The following CSK variants were observed in gnomAD, a reference collection of about 807,000 sequenced individuals.
CSK encodes tyrosine-protein kinase CSK.
A neutral mutation model predicts 62.3 loss-of-function variants in CSK; 7 were observed. That is an observed-to-expected ratio of 0.11 (90% CI 0.06 to 0.21). The LOEUF is 0.21. CSK is among the 10% of genes least tolerant of loss of function. The probability of loss-of-function intolerance (pLI) is 1.00; values close to 1 mark genes in which losing one functional copy is unlikely to be tolerated. For synonymous variants in CSK, 237 were observed against 246.0 expected (o/e 0.96, Z 0.34); for missense variants, 294 against 613.5 (o/e 0.48, Z 5.50).
chr15:74,784,147 T>G (rs573181662), intron 1 of CSK, among the ~76,000 whole-genome samples: 1 of 152,260 alleles, frequency 6.6e-6, no homozygotes, highest in Non-Finnish European at 1.5e-5. Context: ...GAGCAGTGTC[T>G]GGGCTCCCTT....
At chr15:74,792,041 A>G (rs2063629244) in intron 1 of CSK, among the ~76,000 whole-genome samples, 1 of 152,128 alleles carries the variant, frequency 6.6e-6, no homozygotes, top group Non-Finnish European at 1.5e-5. Context: ...GCCATTTTCC[A>G]TACTCTATCA....
Position 74,802,663 on chromosome 15 carries a change from C to T in CSK, c.*150C>T. Reference sequence around the variant, plus strand: ...GCGTCCCAGCCTGCACCCCTCCGGCCCCGTCTCTCTTGGACCCACCTGTGG... The same window carrying T: ...GCGTCCCAGCCTGCACCCCTCCGGCTCCGTCTCTCTTGGACCCACCTGTGG... On this transcript the variant is annotated 3_prime_UTR_variant, in exon 13 of 13. Transcript: ENST00000220003. 1.0e-6 allele frequency: 1 copy of T among 984,304 alleles called. No individual in the cohort carries two copies. Among genetic ancestry groups the T allele is most frequent in the South Asian group, 1.7e-5 (1 of 58,330 alleles). 61.0% of individuals were successfully genotyped at this position (984,304 alleles called of 1,614,324 possible).
chr15:74,792,304 C>G (rs1357195839), intron 1 of CSK, among the ~76,000 whole-genome samples: 1 of 151,958 alleles, frequency 6.6e-6, no homozygotes, highest in Non-Finnish European at 1.5e-5. Context: ...GGAAGTCCCT[C>G]GGTAAAGGAG....
Position 74,799,550 on chromosome 15 carries a change from G to A in CSK, c.462+59G>A, listed in dbSNP as rs543821598. On this transcript the variant is annotated intron_variant, in intron 5 of 12. Transcript: ENST00000220003. ...CTCACACACCCTAAACCCATCTGGG[G>A]CCCTGGCTTCTAGCTCCAGCCCCAC... 58 of 1,528,158 alleles carry A rather than the reference G, an allele frequency of 3.8e-5. No homozygotes were observed. The South Asian group carries it at 6.6e-4, about 17-fold the overall frequency. The allele number at this position is 1,528,158 out of a possible 1,614,324, so 94.7% of individuals were successfully genotyped here.
rs1596365450 is a variant in CSK, at chr15:74,782,807, C to T, written c.-66+87C>T. 1 of 152,546 alleles carries T rather than the reference C, an allele frequency of 6.6e-6. No individual in the cohort carries two copies. The highest frequency in any genetic ancestry group is 1.5e-5 in the Non-Finnish European group (1 of 68,278). 9.4% of individuals were successfully genotyped at this position (152,546 alleles called of 1,614,324 possible). On this transcript the variant is annotated intron_variant, in intron 1 of 12. Coordinates refer to ENST00000220003, the MANE Select transcript of CSK (RefSeq NM_004383.3). This position sits in a 1 kb window ranked among gnomAD's most constrained non-coding sequence, Gnocchi z 5.7. ...GTCTCTGTTGCTGCCACTGTCGCGT[C>T]CACTCCCATTCCCCTCTTCTCCCAC...
chr15:74,791,878 C>CA (rs1307190900), intron 1 of CSK, among the ~76,000 whole-genome samples: 1 of 152,192 alleles, frequency 6.6e-6, no homozygotes, highest in Non-Finnish European at 1.5e-5. Flanking sequence ...GGTGATGCTT[C>CA]ACTGGATCAC....
intron 1 of CSK, among the ~76,000 whole-genome samples, chr15:74,786,709 C>G (rs2063526953): frequency 6.6e-6 from 1 of 152,158 alleles, no homozygotes. Context: ...TGGGAGTGCC[C>G]TCCTACAGCC....
At chr15:74,801,154 C>A (rs746077965) in intron 9 of CSK, 52 bp downstream of exon 9, 7 of 1,600,430 alleles carry the variant, frequency 4.4e-6, no homozygotes, top group Non-Finnish European at 6.0e-6. Context: ...CCCCGAAACC[C>A]CCACTGTGCT....
intron 1 of CSK, among the ~76,000 whole-genome samples, chr15:74,792,442 A>G (rs2063636866): frequency 6.6e-6 from 1 of 152,178 alleles, no homozygotes; most frequent in Non-Finnish European, 1.5e-5. Context: ...AGGTCAAGTG[A>G]CTTTCCCAAG....
chr15:74,794,983 G>C (rs2063683162), intron 1 of CSK, among the ~76,000 whole-genome samples: 1 of 152,158 alleles, frequency 6.6e-6, no homozygotes, highest in Non-Finnish European at 1.5e-5. Context: ...CTGAGCAGCG[G>C]TGCTCAAGGT....
At chr15:74,786,834 C>T (rs934275697) in intron 1 of CSK, among the ~76,000 whole-genome samples, 12 of 152,194 alleles carry the variant, frequency 7.9e-5, no homozygotes, top group Non-Finnish European at 1.3e-4. Flanking sequence ...GGGGTCCTCC[C>T]CCAGGTGGCC....
chr15:74,789,286 G>A (rs1190764362), intron 1 of CSK, among the ~76,000 whole-genome samples: 1 of 152,246 alleles, frequency 6.6e-6, no homozygotes, highest in Non-Finnish European at 1.5e-5. Flanking sequence ...GCCCCGGGAG[G>A]TGTAGGCATC....
At position 74,801,017 on chromosome 15, in the gene CSK, T is replaced by C. The variant is rs1179929961; in HGVS notation, c.728T>C (p.Leu243Pro). 3 of 1,613,298 alleles carry C rather than the reference T, an allele frequency of 1.9e-6. No individual in the cohort carries two copies. Among genetic ancestry groups the C allele is most frequent in the Non-Finnish European group, 1.7e-6 (2 of 1,180,006 alleles). ...CCACTCTCGTCCTGCCCCAGGCAAC[T>C]GCGGCATAGCAACCTGGTGCAGCTC... ...FLAEASVMTQLRHSNLVQLLG... is the reference protein window; with the variant it reads ...FLAEASVMTQPRHSNLVQLLG... Residue 243 changes from leucine (L) to proline (P), a missense_variant, in exon 9 of 13, where the codon CTG (leucine) becomes CCG (proline). Around this residue, in one of 3 missense-constraint regions of CSK, gnomAD observed 202 missense variants for 415.7 expected, o/e 0.49. Transcript: ENST00000220003.
At position 74,802,835 on chromosome 15, in the gene CSK, G is replaced by T. The variant is rs201224866; in HGVS notation, c.*322G>T. 1.1e-5 allele frequency: 3 copies of T among 280,094 alleles called. No individual in the cohort carries two copies. In the East Asian group the frequency reaches 2.3e-4, roughly 21 times the overall value. 17.4% of individuals were successfully genotyped at this position (280,094 alleles called of 1,614,324 possible). ...CTTTTTTGAGATTTTTTTTCCGTGT[G>T]TTTATTTTTTATTATTTTTCAAGAT... On this transcript the variant is annotated 3_prime_UTR_variant, in exon 13 of 13. Coordinates refer to ENST00000220003, the MANE Select transcript of CSK (RefSeq NM_004383.3).
At chr15:74,785,872 C>T (rs2063507460) in intron 1 of CSK, among the ~76,000 whole-genome samples, 1 of 152,100 alleles carries the variant, frequency 6.6e-6, no homozygotes, top group Admixed American at 6.5e-5. Context: ...ATTGGCTGGC[C>T]TAGGACATGG....
At chr15:74,784,785 C>T (rs2063491411) in intron 1 of CSK, among the ~76,000 whole-genome samples, 1 of 152,200 alleles carries the variant, frequency 6.6e-6, no homozygotes, top group Admixed American at 6.5e-5. Context: ...GGCAGACCCA[C>T]CTGGGTGCGG....
chr15:74,790,664 A>G (rs902010344), intron 1 of CSK, among the ~76,000 whole-genome samples: 10 of 152,190 alleles, frequency 6.6e-5, no homozygotes, highest in Non-Finnish European at 1.2e-4. Flanking sequence ...CTATAGTCCT[A>G]TTGGTTATGA....
At chr15:74,800,254 C>G (rs1390087205) in intron 5 of CSK, among the ~76,000 whole-genome samples, 158 bp from the exon 6 acceptor site, 4 of 152,186 alleles carry the variant, frequency 2.6e-5, no homozygotes, top group Non-Finnish European at 5.9e-5. Context: ...TCTGGGACTT[C>G]CCTAACCCCT....
chr15:74,797,179 A>G (rs1003028060), intron 1 of CSK, among the ~76,000 whole-genome samples: 2 of 152,148 alleles, frequency 1.3e-5, no homozygotes, highest in Admixed American at 1.3e-4. Flanking sequence ...TCCTGGGTTT[A>G]AGCCATCTGT....
Sources: allele counts gnomAD v4.1 joint callset (sites outside exome capture counted in the v4.1 genomes callset), GRCh38; gene constraint gnomAD v4.1.1; regional missense constraint gnomAD v4.1.1; non-coding constraint Gnocchi (gnomAD v3.1); transcripts MANE v1.5; gene names NCBI Gene and HGNC (gene_info 2026-07-23, HGNC 2026-07-21).